PARL: variants seen among roughly 807,000 people sequenced by gnomAD.
PARL encodes the protein presenilin associated rhomboid like.
Under a neutral mutation model 51.6 loss-of-function variants are expected in PARL, and 44 were observed. That is an observed-to-expected ratio of 0.85 (90% CI 0.67 to 1.10). The LOEUF is 1.10. PARL is among the 50% of genes least tolerant of loss of function. PARL has a pLI of 0.00. For synonymous variants in PARL, 172 were observed against 164.0 expected (o/e 1.05, Z -0.37); for missense variants, 441 against 469.5 (o/e 0.94, Z 0.56).
chr3:183,864,466 G>A (rs182359278), intron 3 of PARL, among the ~76,000 whole-genome samples: 20 of 152,182 alleles, frequency 1.3e-4, no homozygotes, highest in Non-Finnish European at 2.5e-4. Context: ...TGTTCAATAT[G>A]TATTGGTGAA....
intron 1 of PARL, among the ~76,000 whole-genome samples, chr3:183,883,355 G>A (rs1734772545): frequency 6.6e-6 from 1 of 152,068 alleles, no homozygotes. Flanking sequence ...TGCAACCTCC[G>A]CCTCCCAGGT....
At chr3:183,851,715 G>C (rs1324530746) in intron 4 of PARL, among the ~76,000 whole-genome samples, 2 of 151,982 alleles carry the variant, frequency 1.3e-5, no homozygotes, top group Admixed American at 6.6e-5. Flanking sequence ...ACAACCCAAT[G>C]TAAAAATGGG....
intron 4 of PARL, among the ~76,000 whole-genome samples, chr3:183,854,839 G>A (rs537831320): frequency 9.5e-5 from 14 of 147,494 alleles, no homozygotes; most frequent in African/African-American, 3.5e-4. Context: ...ACACAAAAAT[G>A]TGCACATGGA....
chr3:183,855,179 C>T (rs527480540), intron 4 of PARL, among the ~76,000 whole-genome samples: 4 of 152,038 alleles, frequency 2.6e-5, no homozygotes, highest in African/African-American at 4.8e-5. Flanking sequence ...TGACTGCTAA[C>T]GGGAATGGGG....
At chr3:183,842,871 G>T (rs1351495546) in intron 5 of PARL, among the ~76,000 whole-genome samples, 9 of 135,636 alleles carry the variant, frequency 6.6e-5, no homozygotes, top group Non-Finnish European at 1.4e-4. Flanking sequence ...CTATTTTTAA[G>T]ACTTTTTTTT....
intron 4 of PARL, among the ~76,000 whole-genome samples, chr3:183,845,849 G>C (rs976925223): frequency 1.3e-5 from 2 of 152,194 alleles, no homozygotes; most frequent in Non-Finnish European, 2.9e-5. Context: ...CTTAGGTCTA[G>C]GTTGTCATAC....
intron 4 of PARL, among the ~76,000 whole-genome samples, chr3:183,859,140 C>T (rs934138685): frequency 7.2e-5 from 11 of 151,974 alleles, no homozygotes; most frequent in African/African-American, 2.4e-4. Context: ...CCCGTCTCTA[C>T]TAAAAATACA....
intron 4 of PARL, among the ~76,000 whole-genome samples, chr3:183,852,608 G>A (rs1415375207): frequency 6.6e-6 from 1 of 152,076 alleles, no homozygotes; most frequent in Non-Finnish European, 1.5e-5. Context: ...GAAACTCCTG[G>A]CCTCAGCCAA....
intron 4 of PARL, among the ~76,000 whole-genome samples, chr3:183,854,727 C>A (rs1577334175): frequency 7.0e-6 from 1 of 142,896 alleles, no homozygotes; most frequent in Non-Finnish European, 1.5e-5. Context: ...TGGTATATTT[C>A]ATGTTTTTTT....
intron 3 of PARL, among the ~76,000 whole-genome samples, chr3:183,863,832 G>T (rs1015015852): frequency 8.5e-5 from 13 of 152,282 alleles, no homozygotes; most frequent in Middle Eastern, 3.4e-3. Context: ...ATGTTTCCAT[G>T]TTAAATTTAC....
intron 4 of PARL, chr3:183,844,901 T>A (rs1222927660): frequency 1.3e-5 from 2 of 152,432 alleles, no homozygotes; most frequent in African/African-American, 2.4e-5. Context: ...GGGAGTTGAG[T>A]GACTTTCCTT....
At chr3:183,865,955 C>T (rs1245620784) in intron 3 of PARL, among the ~76,000 whole-genome samples, 1 of 151,650 alleles carries the variant, frequency 6.6e-6, no homozygotes, top group African/African-American at 2.4e-5. Context: ...TCTCGTCTCA[C>T]TGCAACCTCT....
intron 4 of PARL, among the ~76,000 whole-genome samples, chr3:183,851,513 CGAA>C (rs1730544822): frequency 6.6e-6 from 1 of 151,398 alleles, no homozygotes. Flanking sequence ...GGCATTTCTC[CGAA>C]GAAGAATAAA....
chr3:183,835,132 A>C (rs751635261), intron 7 of PARL, among the ~76,000 whole-genome samples: 1 of 147,958 alleles, frequency 6.8e-6, no homozygotes, highest in Non-Finnish European at 1.5e-5. Context: ...ACTTTCCATA[A>C]GTTTTTAATT....
intron 1 of PARL, among the ~76,000 whole-genome samples, chr3:183,884,039 C>G (rs1734845031): frequency 6.6e-6 from 1 of 152,220 alleles, no homozygotes; most frequent in South Asian, 2.1e-4. Flanking sequence ...GGAAAATTTT[C>G]AAAGCCAAAT....
intron 1 of PARL, among the ~76,000 whole-genome samples, chr3:183,869,427 C>T (rs571758045): frequency 2.6e-5 from 4 of 152,122 alleles, no homozygotes; most frequent in African/African-American, 7.2e-5. Flanking sequence ...AGGCTGGTCT[C>T]GAACTCCTGA....
intron 4 of PARL, among the ~76,000 whole-genome samples, chr3:183,847,909 A>G (rs888943480): frequency 6.6e-6 from 1 of 152,196 alleles, no homozygotes; most frequent in African/African-American, 2.4e-5. Flanking sequence ...TAAGTTTTGT[A>G]TATCTCCACT....
At chr3:183,878,050 C>T (rs1052050094) in intron 1 of PARL, among the ~76,000 whole-genome samples, 8 of 152,186 alleles carry the variant, frequency 5.3e-5, no homozygotes, top group Non-Finnish European at 1.0e-4. Context: ...CTTGGTCTCC[C>T]AAAGTGCTGG....
chr3:183,852,351 T>G (rs1028009510), intron 4 of PARL, among the ~76,000 whole-genome samples: 1 of 151,854 alleles, frequency 6.6e-6, no homozygotes, highest in Admixed American at 6.6e-5. Context: ...TGCTACAATA[T>G]CGACGAACCA....
Sources: gnomAD v4.1 joint callset for allele counts (sites outside exome capture counted in the v4.1 genomes callset) on GRCh38, gnomAD v4.1.1 for gene constraint, MANE v1.5 for transcripts, NCBI Gene and HGNC (gene_info 2026-07-23, HGNC 2026-07-21) for gene names.